Variants in G2E3 observed in about 807,000 individuals in gnomAD.
The protein encoded by G2E3 is G2/M-phase specific E3 ubiquitin protein ligase.
A neutral mutation model predicts 92.8 loss-of-function variants in G2E3; 35 were observed. That is an observed-to-expected ratio of 0.38 (90% CI 0.29 to 0.50). The LOEUF is 0.50. G2E3 is among the 20% of genes least tolerant of loss of function. G2E3 has a pLI of 0.94. For synonymous variants in G2E3, 242 were observed against 272.4 expected (o/e 0.89, Z 1.10); for missense variants, 554 against 823.8 (o/e 0.67, Z 4.01).
At chr14:30,586,539 A>G (rs1880722124) in intron 2 of G2E3, among the ~76,000 whole-genome samples, 179 bp from the exon 3 acceptor site, 1 of 152,222 alleles carries the variant, frequency 6.6e-6, no homozygotes, top group Admixed American at 6.5e-5. Flanking sequence ...GGTGAAGAAC[A>G]TAAAGTTACA....
intron 8 of G2E3, among the ~76,000 whole-genome samples, chr14:30,599,530 A>G (rs1881461367): frequency 6.6e-6 from 1 of 152,032 alleles, no homozygotes; most frequent in Non-Finnish European, 1.5e-5. Context: ...CTCGGCCATA[A>G]TTACCTCTTA....
chr14:30,587,809 A>T (rs8009427), intron 3 of G2E3, among the ~76,000 whole-genome samples: 30,311 of 152,110 alleles, frequency 0.2, 3,418 homozygotes, highest in East Asian at 0.47. Flanking sequence ...AGAAATCAAG[A>T]TGGAACCATA....
In G2E3 at chr14:30,602,593, T is replaced by A. The variant is rs902392613; in HGVS notation, c.1010+462T>A. Among the ~76,000 whole-genome samples the A allele has an allele frequency of 2.6e-5, 4 of 152,134 alleles. 1 individual carries two copies. The highest frequency in any genetic ancestry group is 2.0e-4 in the Admixed American group (3 of 15,270). ...CTTATTAAAAGGAAAGAATCCTATT[T>A]AATATAGAAATTTTTTTTTCTTTTT... On this transcript the variant is annotated intron_variant, in intron 10 of 14. Coordinates refer to ENST00000206595, the MANE Select transcript of G2E3 (RefSeq NM_017769.5).
At chr14:30,581,204 C>T in intron 2 of G2E3, 88 bp downstream of exon 2, 1 of 744,840 alleles carries the variant, frequency 1.3e-6, no homozygotes, top group South Asian at 1.6e-5. Flanking sequence ...AATGAATTCC[C>T]TGGCACAAGC....
chr14:30,570,585 T>C (rs181128376), intron 1 of G2E3, among the ~76,000 whole-genome samples: 15 of 152,200 alleles, frequency 9.9e-5, no homozygotes, highest in African/African-American at 3.4e-4. Context: ...TCAAGTTCGC[T>C]GATTCTTTCT....
At chr14:30,568,661 A>G (rs566255146) in intron 1 of G2E3, among the ~76,000 whole-genome samples, 2 of 152,286 alleles carry the variant, frequency 1.3e-5, no homozygotes, top group Admixed American at 6.5e-5. Flanking sequence ...TTCATAGTAT[A>G]CAAAAATTAC....
At chr14:30,579,424 A>G (rs1024924086) in intron 1 of G2E3, among the ~76,000 whole-genome samples, 1 of 152,202 alleles carries the variant, frequency 6.6e-6, no homozygotes, top group Non-Finnish European at 1.5e-5. Context: ...CTTTTTAGGA[A>G]AGCACAGAAA....
At position 30,562,827 on chromosome 14, in the gene G2E3, A is replaced by G. The variant is rs570016503; in HGVS notation, c.-5+3555A>G. On this transcript the variant is annotated intron_variant, in intron 1 of 14. Coordinates refer to ENST00000206595, the MANE Select transcript of G2E3 (RefSeq NM_017769.5). The stretch of plus-strand genomic sequence containing the variant: ...AGGGAAAGTACTAAAAGTCTTTGAT[A>G]TGCAGAAATAATGGTGTAAGCTGTC... 3.3e-5 allele frequency among the ~76,000 whole-genome samples: 5 copies of G among 152,326 alleles called. No individual in the cohort carries two copies. In the South Asian group the frequency reaches 1.0e-3, roughly 32 times the overall value.
chr14:30,586,026 C>A (rs1185891203), intron 2 of G2E3, among the ~76,000 whole-genome samples: 1 of 152,172 alleles, frequency 6.6e-6, no homozygotes, highest in Non-Finnish European at 1.5e-5. Flanking sequence ...TGCTGCTTTC[C>A]CTATCTGTTA....
At chr14:30,596,262 A>T (rs1474459870) in intron 6 of G2E3, among the ~76,000 whole-genome samples, 1 of 151,962 alleles carries the variant, frequency 6.6e-6, no homozygotes, top group African/African-American at 2.4e-5. Flanking sequence ...TACTTAGTAT[A>T]TTCTGTGTAT....
chr14:30,566,946 C>G (rs1311043524), intron 1 of G2E3, among the ~76,000 whole-genome samples: 4 of 152,068 alleles, frequency 2.6e-5, no homozygotes, highest in African/African-American at 9.7e-5. Context: ...GAGCATGTGA[C>G]CTTTTCCTTT....
In G2E3 at chr14:30,589,530, A is replaced by G. The variant is rs1471565313; in HGVS notation, c.237+46A>G. The G allele has an allele frequency of 5.3e-6, 5 of 950,074 alleles. No homozygotes were observed. The East Asian group carries it at 7.2e-5, about 14-fold the overall frequency. 58.9% of individuals were successfully genotyped at this position (950,074 alleles called of 1,614,324 possible). A position where few individuals can be genotyped will look rare whatever the true frequency, so the allele number is the denominator to read the frequency against. On this transcript the variant is annotated intron_variant, in intron 4 of 14. Transcript: ENST00000206595. ...TTAAGTAATGTCATAAATATTGTCA[A>G]TACTTGGGAAGTCTTTTCTATCAGT...
At chr14:30,591,939 A>G (rs1881035760) in intron 4 of G2E3, among the ~76,000 whole-genome samples, 1 of 151,720 alleles carries the variant, frequency 6.6e-6, no homozygotes, top group Non-Finnish European at 1.5e-5. Flanking sequence ...GTATTTTCCT[A>G]TTCTTCTTGG....
chr14:30,565,551 C>T (rs919951746), intron 1 of G2E3, among the ~76,000 whole-genome samples: 63 of 145,012 alleles, frequency 4.3e-4, no homozygotes, highest in Non-Finnish European at 1.4e-4. Context: ...CCTAGATTTT[C>T]ATTTAAGAGA....
chr14:30,607,872 T>G lies in G2E3; in HGVS notation c.1319-16T>G. 1 of 1,447,122 alleles carries G rather than the reference T, an allele frequency of 6.9e-7. No homozygotes were observed. The highest frequency in any genetic ancestry group is 2.3e-5 in the East Asian group (1 of 43,634). The allele number at this position is 1,447,122 out of a possible 1,614,324, so 89.6% of individuals were successfully genotyped here. On this transcript the variant is annotated splice_polypyrimidine_tract_variant and intron_variant, in intron 11 of 14. Coordinates refer to ENST00000206595, the MANE Select transcript of G2E3 (RefSeq NM_017769.5). Reference sequence around the variant, plus strand: ...TAATAGAAGTGTATTTGATATATTTTCATCTGTATTTACAGCTCTGAAAGA... The same window carrying G: ...TAATAGAAGTGTATTTGATATATTTGCATCTGTATTTACAGCTCTGAAAGA...
At chr14:30,584,000 C>T (rs2138827027) in intron 2 of G2E3, among the ~76,000 whole-genome samples, 1 of 152,290 alleles carries the variant, frequency 6.6e-6, no homozygotes, top group African/African-American at 2.4e-5. Context: ...AACTCTGTAC[C>T]TATTAAGTAG....
intron 1 of G2E3, chr14:30,560,827 C>T (rs1238888991): frequency 1.4e-6 from 1 of 701,138 alleles, no homozygotes; most frequent in South Asian, 1.5e-5. Context: ...GAACAGTCTG[C>T]ATATTTAACT....
intron 6 of G2E3, among the ~76,000 whole-genome samples, 176 bp downstream of exon 6, chr14:30,593,815 A>T (rs1346077463): frequency 1.3e-5 from 2 of 152,206 alleles, no homozygotes. Flanking sequence ...CACCCTATTT[A>T]AGTATACAAT....
intron 6 of G2E3, among the ~76,000 whole-genome samples, chr14:30,597,217 C>CT (rs1269373614): frequency 2.0e-5 from 3 of 150,712 alleles, no homozygotes; most frequent in Non-Finnish European, 4.4e-5. Flanking sequence ...TATTAATTAG[C>CT]TTTTTTTTTA....
Sources: gnomAD v4.1 joint callset for allele counts (sites outside exome capture counted in the v4.1 genomes callset) on GRCh38, gnomAD v4.1.1 for gene constraint, MANE v1.5 for transcripts, NCBI Gene and HGNC (gene_info 2026-07-23, HGNC 2026-07-21) for gene names.